The following GLT1D1 variants were observed in gnomAD, a reference collection of about 807,000 sequenced individuals.
GLT1D1 encodes the protein glycosyltransferase 1 domain containing 1, also known as glycosyltransferase 1 domain-containing protein 1.
Under a neutral mutation model 28.7 loss-of-function variants are expected in GLT1D1, and 21 were observed. The ratio of observed to expected loss-of-function variants is 0.73; its 90% CI spans 0.52 to 1.05. The LOEUF (loss-of-function observed/expected upper bound fraction) is 1.05, where lower values mean the gene tolerates loss of function less well. GLT1D1 is among the 50% of genes least tolerant of loss of function. The probability of loss-of-function intolerance (pLI) is 0.00; values close to 1 mark genes in which losing one functional copy is unlikely to be tolerated. For missense variants in GLT1D1, 343 were observed against 330.6 expected, an observed-to-expected ratio of 1.04 and a Z score of -0.29; for synonymous variants, 147 against 124.8, an observed-to-expected ratio of 1.18 and a Z score of -1.19.
intron 4 of GLT1D1, among the ~76,000 whole-genome samples, chr12:128,913,614 G>C (rs1446108615): frequency 1.3e-5 from 2 of 152,216 alleles, no homozygotes; most frequent in African/African-American, 2.4e-5. Context: ...CCCAAGCTCA[G>C]GTTAGAACGA....
At chr12:128,882,894 C>CTATT (rs60181904) in intron 2 of GLT1D1, among the ~76,000 whole-genome samples, 2,049 of 149,786 alleles carry the variant, frequency 0.014, 29 homozygotes, top group African/African-American at 0.033. Flanking sequence ...CCTCCTCTTT[C>CTATT]TATTTATTTA....
intron 4 of GLT1D1, among the ~76,000 whole-genome samples, chr12:128,919,541 T>C (rs930055812): frequency 2.0e-5 from 3 of 152,252 alleles, no homozygotes; most frequent in African/African-American, 4.8e-5. Flanking sequence ...TAAGTCTCCT[T>C]AATTTAAAAC....
At chr12:128,879,453 T>TCTTTCTTTC (rs1956978660) in intron 2 of GLT1D1, among the ~76,000 whole-genome samples, 2 of 130,638 alleles carry the variant, frequency 1.5e-5, no homozygotes, top group African/African-American at 5.9e-5. Context: ...TTTCTTTCTT[T>TCTTTCTTTC]CTTTCTTTTT....
intron 2 of GLT1D1, among the ~76,000 whole-genome samples, chr12:128,879,756 C>T (rs958023337): frequency 1.3e-5 from 2 of 152,138 alleles, no homozygotes; most frequent in East Asian, 1.9e-4. Flanking sequence ...CAAGTGCAGC[C>T]GGCCCCTGTT....
At chr12:128,906,687 C>G (rs1051318077) in intron 4 of GLT1D1, among the ~76,000 whole-genome samples, 11 of 151,144 alleles carry the variant, frequency 7.3e-5, no homozygotes, top group African/African-American at 2.7e-4. Context: ...GCTAAGTTTT[C>G]AGGTGTTATC....
chr12:128,881,614 CATAAA>C (rs1164898786), intron 2 of GLT1D1, among the ~76,000 whole-genome samples: 1 of 85,124 alleles, frequency 1.2e-5, no homozygotes, highest in Non-Finnish European at 2.2e-5. Flanking sequence ...GATATAGATA[CATAAA>C]ATAAATATAT....
chr12:128,874,102 C>CTTTCTT (rs1566091147), intron 1 of GLT1D1, among the ~76,000 whole-genome samples: 16 of 40,128 alleles, frequency 4.0e-4, no homozygotes, highest in African/African-American at 1.9e-3. Context: ...CTTTCTTTCT[C>CTTTCTT]TCTCTCTCTC....
intron 7 of GLT1D1, among the ~76,000 whole-genome samples, chr12:128,968,384 C>T (rs1878695635): frequency 6.6e-6 from 1 of 151,676 alleles, no homozygotes; most frequent in Non-Finnish European, 1.5e-5. Flanking sequence ...AATACAAGGA[C>T]ACCAGGCTGG....
intron 1 of GLT1D1, among the ~76,000 whole-genome samples, chr12:128,874,568 A>T (rs556377900): frequency 6.8e-6 from 1 of 146,286 alleles, no homozygotes; most frequent in East Asian, 2.0e-4. Context: ...CTCAGCCTCG[A>T]CCTCATAGGC....
At chr12:128,976,845 A>G (rs892636326) in intron 7 of GLT1D1, among the ~76,000 whole-genome samples, 5 of 152,012 alleles carry the variant, frequency 3.3e-5, no homozygotes, top group African/African-American at 7.2e-5. Context: ...TCTAATATTC[A>G]TTTTATAAAA....
At chr12:128,967,328 C>T (rs1042001458) in intron 7 of GLT1D1, among the ~76,000 whole-genome samples, 3 of 152,208 alleles carry the variant, frequency 2.0e-5, no homozygotes, top group Non-Finnish European at 4.4e-5. Flanking sequence ...ATGTGAGGCC[C>T]GGTAGAAAAC....
chr12:128,912,586 A>T (rs1448652357), intron 4 of GLT1D1, 126 bp downstream of exon 5: 1 of 379,892 alleles, frequency 2.6e-6, no homozygotes, highest in Non-Finnish European at 4.5e-6. Context: ...CATCCTTAAG[A>T]GACACATATT....
chr12:128,965,446 G>A (rs974814270), intron 7 of GLT1D1, among the ~76,000 whole-genome samples: 17 of 152,152 alleles, frequency 1.1e-4, no homozygotes, highest in East Asian at 1.9e-4. Context: ...TCTCAGGCTC[G>A]TGGGATGCTG....
chr12:128,940,533 C>G (rs1383861380), intron 4 of GLT1D1, among the ~76,000 whole-genome samples: 3 of 152,168 alleles, frequency 2.0e-5, no homozygotes, highest in Non-Finnish European at 4.4e-5. Context: ...CTGGTGCTGC[C>G]TCTTTCTGGC....
chr12:128,866,412 T>G (rs1307988136), intron 1 of GLT1D1, among the ~76,000 whole-genome samples: 1 of 151,932 alleles, frequency 6.6e-6, no homozygotes, highest in Non-Finnish European at 1.5e-5. Flanking sequence ...TAAAATCTTT[T>G]TTTAAGCAAT....
intron 7 of GLT1D1, among the ~76,000 whole-genome samples, chr12:128,976,062 C>T (rs1879735531): frequency 1.3e-5 from 2 of 152,160 alleles, no homozygotes; most frequent in African/African-American, 4.8e-5. Flanking sequence ...AAAATGTGAC[C>T]AGAGGGATGG....
intron 6 of GLT1D1, among the ~76,000 whole-genome samples, chr12:128,952,831 T>C (rs1336250587): frequency 1.6e-5 from 2 of 127,684 alleles, no homozygotes; most frequent in African/African-American, 3.0e-5. Flanking sequence ...CAGGCTGGAG[T>C]GCAGTGGCAC....
chr12:128,982,572 A>C (rs570920308), intron 7 of GLT1D1, among the ~76,000 whole-genome samples: 1 of 152,280 alleles, frequency 6.6e-6, no homozygotes, highest in African/African-American at 2.4e-5. Flanking sequence ...GAGGGAAGAC[A>C]TTGTGGATCT....
chr12:128,914,963 A>C, intron 4 of GLT1D1: 1 of 1,536,086 alleles, frequency 6.5e-7, no homozygotes, highest in South Asian at 1.2e-5. Context: ...GCCGCTTTTA[A>C]CTGGAATACC....
Sources: allele counts gnomAD v4.1 joint callset (sites outside exome capture counted in the v4.1 genomes callset), GRCh38; gene constraint gnomAD v4.1.1; transcripts MANE v1.5; gene names NCBI Gene and HGNC (gene_info 2026-07-23, HGNC 2026-07-21).